The following AKT3 variants were observed in gnomAD, a reference collection of about 807,000 sequenced individuals.
AKT3 encodes the protein AKT serine/threonine kinase 3.
A neutral mutation model predicts 65.3 loss-of-function variants in AKT3; 15 were observed. The observed-to-expected ratio is 0.23, with a 90% CI of 0.15 to 0.35. AKT3 has a LOEUF of 0.35. Ranked by LOEUF, AKT3 falls within the 10% of genes least tolerant of loss-of-function variation. AKT3 has a pLI of 1.00. For synonymous variants in AKT3, 206 were observed against 183.8 expected (o/e 1.12, Z -0.98); for missense variants, 243 against 576.5 (o/e 0.42, Z 5.92).
intron 12 of AKT3, among the ~76,000 whole-genome samples, chr1:243,539,735 T>C (rs1340303486): frequency 6.6e-6 from 1 of 152,184 alleles, no homozygotes; most frequent in Non-Finnish European, 1.5e-5. Context: ...CACTTACAAA[T>C]AACCCTTAAG....
At chr1:243,775,052 G>A (rs537392515) in intron 2 of AKT3, among the ~76,000 whole-genome samples, 1 of 151,932 alleles carries the variant, frequency 6.6e-6, no homozygotes, top group South Asian at 2.1e-4. Flanking sequence ...TTGTAAAGAC[G>A]AGGTTTCGTC....
intron 2 of AKT3, among the ~76,000 whole-genome samples, chr1:243,731,131 C>G (rs948616005): frequency 1.3e-5 from 2 of 152,126 alleles, no homozygotes. Flanking sequence ...TGAAGGATCC[C>G]GTGACATTTC....
In AKT3 at chr1:243,601,562, T is replaced by C. The variant is rs1182599868; in HGVS notation, c.696+12109A>G. On this transcript the variant is annotated intron_variant, in intron 8 of 13. Transcript: ENST00000673466. ...AAATGACACAGAAATTGCATTTCTA[T>C]GTATTTACCCAAGAAGATTAAAAAT... is the stretch of plus-strand genomic sequence containing the variant. 3.9e-5 allele frequency among the ~76,000 whole-genome samples: 6 copies of C among 152,192 alleles called. No individual in the cohort carries two copies. In the South Asian group the frequency reaches 8.3e-4, roughly 21 times the overall value.
At chr1:243,493,375 A>G (rs1667052744) in intron 13 of AKT3, among the ~76,000 whole-genome samples, 1 of 152,166 alleles carries the variant, frequency 6.6e-6, no homozygotes, top group Non-Finnish European at 1.5e-5. Context: ...GCTGGTGAGG[A>G]AACATGAGTC....
At chr1:243,584,706 T>G (rs575136400) in intron 8 of AKT3, among the ~76,000 whole-genome samples, 1 of 152,078 alleles carries the variant, frequency 6.6e-6, no homozygotes, top group South Asian at 2.1e-4. Context: ...CATCACTTTA[T>G]GATAAAAACC....
chr1:243,539,952 C>G (rs943851309), intron 12 of AKT3, among the ~76,000 whole-genome samples: 2 of 152,096 alleles, frequency 1.3e-5, no homozygotes, highest in Admixed American at 1.3e-4. Context: ...CAGTGAAAAA[C>G]TTACCAACAA....
chr1:243,759,487 T>C (rs1002577548), intron 2 of AKT3, among the ~76,000 whole-genome samples: 2 of 151,908 alleles, frequency 1.3e-5, no homozygotes, highest in Admixed American at 6.6e-5. Context: ...TACTAAATCA[T>C]ATTTTATGCT....
At chr1:243,648,870 T>C (rs543024258) in intron 4 of AKT3, among the ~76,000 whole-genome samples, 16 of 152,122 alleles carry the variant, frequency 1.1e-4, no homozygotes, top group Non-Finnish European at 2.2e-4. Flanking sequence ...AGAGTACTTT[T>C]GGTTTTATTA....
intron 8 of AKT3, among the ~76,000 whole-genome samples, chr1:243,607,211 C>T (rs992455688): frequency 6.6e-6 from 1 of 152,192 alleles, no homozygotes; most frequent in Non-Finnish European, 1.5e-5. Flanking sequence ...CCTCCAGACC[C>T]CAGAACGGTA....
At chr1:243,518,792 T>C (rs1353241627) in intron 12 of AKT3, among the ~76,000 whole-genome samples, 1 of 152,120 alleles carries the variant, frequency 6.6e-6, no homozygotes, top group African/African-American at 2.4e-5. Context: ...ATGCACAGAT[T>C]TCAAAAAATT....
chr1:243,809,459 G>A (rs1476767726), intron 2 of AKT3, among the ~76,000 whole-genome samples: 1 of 152,122 alleles, frequency 6.6e-6, no homozygotes, highest in African/African-American at 2.4e-5. Context: ...ATGGTAAAGG[G>A]ATCAATTCAA....
At chr1:243,778,824 AAT>A (rs1453009453) in intron 2 of AKT3, among the ~76,000 whole-genome samples, 1 of 152,196 alleles carries the variant, frequency 6.6e-6, no homozygotes, top group Non-Finnish European at 1.5e-5. Context: ...AGTTTATGAC[AAT>A]ATAAGCAAAT....
At chr1:243,681,233 G>A (rs113354854) in intron 3 of AKT3, among the ~76,000 whole-genome samples, 2 of 152,052 alleles carry the variant, frequency 1.3e-5, no homozygotes, top group African/African-American at 4.8e-5. Flanking sequence ...ACACATATAT[G>A]TGTATGTATG....
chr1:243,499,942 C>A lies in AKT3; in HGVS notation c.*5307G>T. On this transcript the variant is annotated 3_prime_UTR_variant, in exon 14 of 14. Coordinates refer to ENST00000673466, the MANE Select transcript of AKT3 (RefSeq NM_005465.7). ...CTCATCAACGCGGGCGCTGTCCCCG[C>A]ACGCAGTCGGGCTGGAGCTGGAGTC... is the stretch of plus-strand genomic sequence containing the variant. The A allele has an allele frequency of 1.4e-6, 1 of 704,882 alleles. No individual in the cohort carries two copies. The highest frequency in any genetic ancestry group is 2.6e-6 in the Non-Finnish European group (1 of 392,152). 43.7% of individuals were successfully genotyped at this position (704,882 alleles called of 1,614,324 possible).
chr1:243,828,789 T>C (rs1157964160), intron 2 of AKT3, among the ~76,000 whole-genome samples: 1 of 152,174 alleles, frequency 6.6e-6, no homozygotes, highest in East Asian at 1.9e-4. Flanking sequence ...TTGCGCATTT[T>C]TGACCGTGCA....
intron 8 of AKT3, among the ~76,000 whole-genome samples, chr1:243,595,073 C>T (rs1275983546): frequency 6.6e-6 from 1 of 152,194 alleles, no homozygotes; most frequent in Non-Finnish European, 1.5e-5. Context: ...GGGATACATT[C>T]TGAGAAATGT....
downstream of AKT3, among the ~76,000 whole-genome samples, chr1:243,499,103 C>A (rs1251669177): frequency 1.3e-5 from 2 of 152,190 alleles, no homozygotes; most frequent in Non-Finnish European, 2.9e-5. Flanking sequence ...CAGCAGAGGC[C>A]AGGAACAGTA....
intron 13 of AKT3, among the ~76,000 whole-genome samples, chr1:243,491,314 GTCTT>G (rs1428637005): frequency 4.6e-5 from 7 of 152,104 alleles, no homozygotes; most frequent in African/African-American, 9.7e-5. Context: ...AAACTAGCAG[GTCTT>G]TCTTTCTTCT....
chr1:243,552,953 A>G lies in AKT3; in HGVS notation c.949-10T>C. The G allele has an allele frequency of 6.4e-7, 1 of 1,551,168 alleles. No individual in the cohort carries two copies. The highest frequency in any genetic ancestry group is 8.8e-7 in the Non-Finnish European group (1 of 1,142,226). The stretch of plus-strand genomic sequence containing the variant: ...CATTATCTTCTAACACCTAAAAGTG[A>G]AATCAGTAAAAAGATTAATTATTAC... On this transcript the variant is annotated splice_polypyrimidine_tract_variant and intron_variant, in intron 10 of 13. Coordinates refer to ENST00000673466, the MANE Select transcript of AKT3 (RefSeq NM_005465.7).
Sources: allele counts gnomAD v4.1 joint callset (sites outside exome capture counted in the v4.1 genomes callset), GRCh38; gene constraint gnomAD v4.1.1; transcripts MANE v1.5; gene names NCBI Gene and HGNC (gene_info 2026-07-23, HGNC 2026-07-21).